Variants in KIDINS220 observed in about 807,000 individuals in gnomAD.
KIDINS220 encodes the protein kinase D interacting substrate 220.
In KIDINS220, 63 loss-of-function variants were observed where a neutral mutation model predicts 157.6. The ratio of observed to expected loss-of-function variants is 0.40; its 90% confidence interval spans 0.33 to 0.49. The LOEUF (loss-of-function observed/expected upper bound fraction) is 0.49, where lower values mean the gene tolerates loss of function less well. KIDINS220 is among the 20% of genes least tolerant of loss of function. The pLI is 0.66. For missense variants in KIDINS220, 1,772 were observed against 2,171.2 expected (o/e 0.82, Z 3.65); for synonymous variants, 732 against 783.6 (o/e 0.93, Z 1.10).
chr2:8,820,743 G>C (rs1330874184), intron 2 of KIDINS220, among the ~76,000 whole-genome samples: 1 of 152,090 alleles, frequency 6.6e-6, no homozygotes, highest in Non-Finnish European at 1.5e-5. Context: ...TCATCACTCT[G>C]AAAAGCTATG....
Position 8,729,941 on chromosome 2 carries a change from A to C in KIDINS220, c.*779T>G. 2 of 985,344 alleles carry C rather than the reference A, an allele frequency of 2.0e-6. No homozygotes were observed. The highest frequency in any genetic ancestry group is 2.4e-6 in the Non-Finnish European group (2 of 829,930). The allele number at this position is 985,344 out of a possible 1,614,324, so 61.0% of individuals were successfully genotyped here. A position where few individuals can be genotyped will look rare whatever the true frequency, so the allele number is the denominator to read the frequency against. ...ACTTAGAAAAGTTGGGCACCATTTA[A>C]AAGAGTTGGAGAACAGACCAGGGTG... On this transcript the variant is annotated 3_prime_UTR_variant, in exon 30 of 30. Coordinates refer to ENST00000256707, the MANE Select transcript of KIDINS220 (RefSeq NM_020738.4).
intron 22 of KIDINS220, among the ~76,000 whole-genome samples, chr2:8,753,761 C>A (rs545166395): frequency 3.9e-5 from 6 of 152,250 alleles, no homozygotes; most frequent in Admixed American, 1.3e-4. Flanking sequence ...ACTGCTCAGA[C>A]CCAATACTTG....
intron 2 of KIDINS220, among the ~76,000 whole-genome samples, chr2:8,819,800 G>C (rs896685916): frequency 1.3e-5 from 2 of 152,048 alleles, no homozygotes; most frequent in African/African-American, 4.8e-5. Context: ...ACTCCAGCCT[G>C]GGTGACAGAG....
chr2:8,791,741 GATA>G (rs1404904349), intron 12 of KIDINS220, among the ~76,000 whole-genome samples: 1 of 152,036 alleles, frequency 6.6e-6, no homozygotes, highest in African/African-American at 2.4e-5. Flanking sequence ...GAACATAATA[GATA>G]ATAATAGAAA....
At chr2:8,815,642 C>A (rs1676970607) in intron 4 of KIDINS220, among the ~76,000 whole-genome samples, 2 of 152,080 alleles carry the variant, frequency 1.3e-5, no homozygotes, top group Non-Finnish European at 2.9e-5. Flanking sequence ...GTGCTCCAGA[C>A]TGGGCAACAG....
chr2:8,734,495 C>A (rs1438014071), intron 28 of KIDINS220, among the ~76,000 whole-genome samples, 160 bp downstream of exon 28: 1 of 151,948 alleles, frequency 6.6e-6, no homozygotes, highest in East Asian at 1.9e-4. Flanking sequence ...CACAGGATTG[C>A]ACATAAGTGT....
intron 2 of KIDINS220, among the ~76,000 whole-genome samples, chr2:8,821,957 C>T (rs1246243264): frequency 6.6e-6 from 1 of 152,138 alleles, no homozygotes; most frequent in East Asian, 1.9e-4. Context: ...TACCTGACCC[C>T]ACACATCCCA....
At chr2:8,753,064 C>T (rs1667572952) in intron 22 of KIDINS220, among the ~76,000 whole-genome samples, 1 of 151,952 alleles carries the variant, frequency 6.6e-6, no homozygotes, top group African/African-American at 2.4e-5. Flanking sequence ...TGATCTAAGG[C>T]AGTAAGCAAG....
intron 2 of KIDINS220, among the ~76,000 whole-genome samples, chr2:8,819,405 T>C (rs982703067): frequency 2.6e-5 from 4 of 152,152 alleles, no homozygotes; most frequent in Non-Finnish European, 4.4e-5. Context: ...GCCCTGGAGA[T>C]GAGGGCAGGG....
intron 25 of KIDINS220, 34 bp downstream of exon 25, chr2:8,747,853 A>G: frequency 7.5e-7 from 1 of 1,329,162 alleles, no homozygotes; most frequent in Non-Finnish European, 1.0e-6. Flanking sequence ...TTTATTATTA[A>G]ATTAATATTT....
At chr2:8,811,403 G>A (rs1441663826) in intron 6 of KIDINS220, among the ~76,000 whole-genome samples, 1 of 152,204 alleles carries the variant, frequency 6.6e-6, no homozygotes, top group Non-Finnish European at 1.5e-5. Flanking sequence ...TGCCCTAATG[G>A]CAATGTGCAG....
intron 28 of KIDINS220, among the ~76,000 whole-genome samples, chr2:8,734,270 A>G (rs1444718241): frequency 6.6e-6 from 1 of 152,192 alleles, no homozygotes; most frequent in Non-Finnish European, 1.5e-5. Context: ...TCACACATGT[A>G]AACTGACTTA....
intron 22 of KIDINS220, among the ~76,000 whole-genome samples, chr2:8,755,616 T>C (rs1667912595): frequency 6.6e-6 from 1 of 152,250 alleles, no homozygotes; most frequent in Non-Finnish European, 1.5e-5. Context: ...AACCTTGTGC[T>C]TGGGAAAGCA....
intron 22 of KIDINS220, among the ~76,000 whole-genome samples, chr2:8,770,320 G>A (rs1033529106): frequency 6.6e-6 from 1 of 152,122 alleles, no homozygotes; most frequent in African/African-American, 2.4e-5. Flanking sequence ...ATGGGAGGAT[G>A]ACTTGAGTCC....
chr2:8,802,334 G>C (rs969306491), intron 8 of KIDINS220, among the ~76,000 whole-genome samples: 2 of 152,214 alleles, frequency 1.3e-5, no homozygotes, highest in African/African-American at 4.8e-5. Flanking sequence ...AGCACCACCA[G>C]AGACAGTGGC....
At chr2:8,784,479 A>G (rs1026131874) in intron 17 of KIDINS220, among the ~76,000 whole-genome samples, 2 of 152,198 alleles carry the variant, frequency 1.3e-5, no homozygotes, top group African/African-American at 2.4e-5. Context: ...AAAAGCAACC[A>G]AAAGAATGGA....
At chr2:8,823,052 T>C (rs1342046755) in intron 2 of KIDINS220, among the ~76,000 whole-genome samples, 3 of 152,152 alleles carry the variant, frequency 2.0e-5, no homozygotes, top group Non-Finnish European at 4.4e-5. Flanking sequence ...CATAGCTCAC[T>C]GCAGCCTTGA....
chr2:8,721,542 C>T (rs1662959717), downstream of KIDINS220: 1 of 152,146 alleles, frequency 6.6e-6, no homozygotes. Context: ...AAACAGAAAG[C>T]CTTGAAGAGA....
rs562912294 is a variant in KIDINS220 at position 8,785,844 on chromosome 2, C to T, written c.2126G>A (p.Arg709His). 28 of 1,614,016 alleles carry T rather than the reference C, an allele frequency of 1.7e-5. No homozygotes were observed. In the South Asian group the frequency reaches 1.8e-4, roughly 10 times the overall value. The change falls in exon 17 of 30, where the codon CGT becomes CAT. Residue 709 changes from arginine (R) to histidine (H), a missense_variant. By Grantham distance (29) the Arg-to-His change is conservative. Coordinates refer to ENST00000256707, the MANE Select transcript of KIDINS220 (RefSeq NM_020738.4). ...CGAGTCCAGCACTTGCCACCATGTA[C>T]GACAGTTCAACACAAAGGCCAATCC... ...VVGLAFVLNCRTWWQVLDSLL... is the reference protein window; with the variant it reads ...VVGLAFVLNCHTWWQVLDSLL...
Sources: allele counts gnomAD v4.1 joint callset (sites outside exome capture counted in the v4.1 genomes callset), GRCh38; gene constraint gnomAD v4.1.1; transcripts MANE v1.5; gene names NCBI Gene and HGNC (gene_info 2026-07-23, HGNC 2026-07-21).